KIR3DL2: variants seen among roughly 807,000 people sequenced by gnomAD.
KIR3DL2 encodes the protein killer cell immunoglobulin like receptor, three Ig domains and long cytoplasmic tail 2, also known as killer cell immunoglobulin-like receptor 3DL2.
Under a neutral mutation model 41.6 loss-of-function variants are expected in KIR3DL2, and 42 were observed. The ratio of observed to expected loss-of-function variants is 1.01; its 90% confidence interval spans 0.79 to 1.31. The LOEUF is 1.31. Among genes scored for constraint, KIR3DL2 ranks in the 50% most tolerant of loss-of-function variants. The probability of loss-of-function intolerance (pLI) is 0.00; values close to 1 mark genes in which losing one functional copy is unlikely to be tolerated. For missense variants in KIR3DL2, 728 were observed against 576.8 expected (o/e 1.26, Z -2.68); for synonymous variants, 230 against 221.3 (o/e 1.04, Z -0.35).
At chr19:54,865,138 C>A (rs1366604219) in intron 6 of KIR3DL2, among the ~76,000 whole-genome samples, 3 of 152,006 alleles carry the variant, frequency 2.0e-5, no homozygotes, top group Non-Finnish European at 2.9e-5. Context: ...GTCTTTGGTT[C>A]TGTTTATATG....
At chr19:54,861,078 G>A (rs2065141390) in intron 6 of KIR3DL2, among the ~76,000 whole-genome samples, 1 of 147,862 alleles carries the variant, frequency 6.8e-6, no homozygotes, top group Non-Finnish European at 1.5e-5. Flanking sequence ...TTGCATAACT[G>A]GAATCTAGGA....
intron 4 of KIR3DL2, among the ~76,000 whole-genome samples, chr19:54,854,477 C>A (rs1418443223): frequency 3.3e-5 from 5 of 151,794 alleles, no homozygotes; most frequent in Admixed American, 2.6e-4. Flanking sequence ...CTTGTGGCAT[C>A]TACAGATGCC....
At chr19:54,858,392 G>C (rs1228089702) in intron 5 of KIR3DL2, among the ~76,000 whole-genome samples, 1 of 149,092 alleles carries the variant, frequency 6.7e-6, no homozygotes, top group African/African-American at 2.5e-5. Context: ...ATTTATTGAA[G>C]ACTGTCCTTT....
rs146500655 is a variant in KIR3DL2 at position 54,852,230 on chromosome 19, C to T, written c.303C>T (p.His101=). Residue 101 remains histidine (H), a synonymous_variant, in exon 3 of 9, where the codon CAC becomes CAT. Transcript: ENST00000326321. The stretch of plus-strand genomic sequence containing the variant: ...ACAGATGTCGGGGTTCACGCCCACA[C>T]TCCCTCACTGGGTGGTCGGCACCCA... ...GTYRCRGSRP[H]SLTGWSAPSN... is the part of the protein sequence containing the mutation. The T allele has an allele frequency of 1.5e-3, 2,430 of 1,611,408 alleles. 94 individuals carry two copies. In the African/African-American group the frequency reaches 0.028, roughly 19 times the overall value.
intron 6 of KIR3DL2, among the ~76,000 whole-genome samples, chr19:54,864,637 C>G (rs1441307415): frequency 6.6e-6 from 1 of 152,112 alleles, no homozygotes; most frequent in African/African-American, 2.4e-5. Context: ...TGGGAGTTCA[C>G]TCATGATTTG....
rs1278849396 is a variant in KIR3DL2, at chr19:54,853,547, C to T, written c.356-200C>T. ...ACAGTGGGAAGGGAGTCAGGGGCTACTGGAGACAGAGGGACAGAGAAGAGG... is the reference window on the plus strand; with the variant it reads ...ACAGTGGGAAGGGAGTCAGGGGCTATTGGAGACAGAGGGACAGAGAAGAGG... On this transcript the variant is annotated intron_variant, in intron 3 of 8. Transcript: ENST00000326321. 4.0e-5 allele frequency among the ~76,000 whole-genome samples: 6 copies of T among 151,652 alleles called. No homozygotes were observed. The East Asian group carries it at 1.2e-3, about 29-fold the overall frequency.
rs754311878 is a variant in KIR3DL2 at position 54,866,692 on chromosome 19, C to T, written c.1329C>T (p.Cys443=). The part of the protein sequence containing the change: ...NAEPRSKVVS[C]PRAPQSGLEG... ...AGCCCAGATCCAAAGTTGTCTCCTG[C>T]CCACGAGCACCACAGTCAGGTCTTG... Residue 443 remains cysteine (C), a synonymous_variant, in exon 9 of 9, where the codon TGC becomes TGT. Transcript: ENST00000326321. The T allele has an allele frequency of 1.4e-5, 23 of 1,613,798 alleles. 1 individual carries two copies. In the Admixed American group the frequency reaches 2.7e-4, roughly 19 times the overall value.
At chr19:54,852,773 C>T (rs1362447211) in intron 3 of KIR3DL2, among the ~76,000 whole-genome samples, 1 of 150,456 alleles carries the variant, frequency 6.6e-6, no homozygotes, top group Non-Finnish European at 1.5e-5. Flanking sequence ...GCTGAGTCTC[C>T]AGAGGGAACG....
At position 54,858,035 on chromosome 19, in the gene KIR3DL2, A is replaced by G. The variant is rs923788451; in HGVS notation, c.950-1044A>G. The stretch of plus-strand genomic sequence containing the variant: ...TTATTGAGTTGTTTGAGCTTCTTAT[A>G]TTTCCAGTTATTAATCCCATCTCAG... On this transcript the variant is annotated intron_variant, in intron 5 of 8. Transcript: ENST00000326321. 1.6e-3 allele frequency among the ~76,000 whole-genome samples: 239 copies of G among 151,684 alleles called. 6 individuals are homozygous for G. The highest frequency in any genetic ancestry group is 5.4e-3 in the African/African-American group (224 of 41,116).
At chr19:54,862,193 T>G (rs920930236) in intron 6 of KIR3DL2, among the ~76,000 whole-genome samples, 10 of 151,860 alleles carry the variant, frequency 6.6e-5, no homozygotes, top group Non-Finnish European at 1.2e-4. Flanking sequence ...ACGTTTCACA[T>G]GGGCTTCATC....
intron 6 of KIR3DL2, among the ~76,000 whole-genome samples, chr19:54,865,484 T>C (rs749037397): frequency 2.6e-5 from 4 of 152,108 alleles, no homozygotes; most frequent in Non-Finnish European, 5.9e-5. Flanking sequence ...GCAGCATTAA[T>C]CTATTCATGA....
In KIR3DL2 at chr19:54,862,144, G is replaced by A. The variant is rs553562864; in HGVS notation, c.1000+3015G>A. ...TTCCCCCAGCCTCTCAGGTGGAACAGCAGCCTAACATGTGTCTCGCGAGAT... is the reference window on the plus strand; with the variant it reads ...TTCCCCCAGCCTCTCAGGTGGAACAACAGCCTAACATGTGTCTCGCGAGAT... On this transcript the variant is annotated intron_variant, in intron 6 of 8. Coordinates refer to ENST00000326321, the MANE Select transcript of KIR3DL2 (RefSeq NM_006737.4). 3.9e-5 allele frequency among the ~76,000 whole-genome samples: 6 copies of A among 152,250 alleles called. No individual in the cohort carries two copies. The South Asian group carries it at 1.2e-3, about 32-fold the overall frequency.
chr19:54,851,976 G>T, intron 2 of KIR3DL2, 22 bp from the exon 3 acceptor site: 1 of 1,605,358 alleles, frequency 6.2e-7, no homozygotes, highest in South Asian at 1.1e-5. Context: ...CCTCTCTAAG[G>T]CAGTGCCTCC....
intron 5 of KIR3DL2, 47 bp from the exon 6 acceptor site, chr19:54,859,032 G>A (rs1601792072): frequency 3.8e-6 from 6 of 1,591,254 alleles, no homozygotes; most frequent in South Asian, 1.1e-5. Flanking sequence ...ATTGAGTAGA[G>A]GACAAGCACC....
At chr19:54,857,974 C>T (rs979160676) in intron 5 of KIR3DL2, among the ~76,000 whole-genome samples, 11 of 151,414 alleles carry the variant, frequency 7.3e-5, no homozygotes, top group Non-Finnish European at 1.5e-4. Flanking sequence ...AGAAATGTCT[C>T]CTCATGTCTT....
chr19:54,865,492 T>G (rs2065441173), intron 6 of KIR3DL2, among the ~76,000 whole-genome samples: 1 of 152,120 alleles, frequency 6.6e-6, no homozygotes, highest in African/African-American at 2.4e-5. Flanking sequence ...AATCTATTCA[T>G]GATGGATCCA....
intron 1 of KIR3DL2, among the ~76,000 whole-genome samples, chr19:54,850,965 C>T (rs146205987): frequency 0.027 from 2,440 of 91,002 alleles, 1 homozygote; most frequent in Non-Finnish European, 0.036. Flanking sequence ...GAGATATGGG[C>T]CTGGAGTGGA....
At chr19:54,860,521 C>A (rs1252513232) in intron 6 of KIR3DL2, among the ~76,000 whole-genome samples, 2 of 151,968 alleles carry the variant, frequency 1.3e-5, no homozygotes, top group East Asian at 3.9e-4. Flanking sequence ...AGACCACAAC[C>A]ACCACGCCCG....
At position 54,851,871 on chromosome 19, in the gene KIR3DL2, C is replaced by A. The variant is rs1474410618; in HGVS notation, c.71-127C>A. On this transcript the variant is annotated intron_variant, in intron 2 of 8. Transcript: ENST00000326321. ...CATGTCTATGTGGGGTGGGTCCTTC[C>A]TGTAGCCCTGGGCACCCAGGTGTGG... The A allele has an allele frequency of 3.9e-5, 46 of 1,174,860 alleles. 1 individual carries two copies. The South Asian group carries it at 5.5e-4, about 14-fold the overall frequency. 72.8% of individuals were successfully genotyped at this position (1,174,860 alleles called of 1,614,324 possible). A position where few individuals can be genotyped will look rare whatever the true frequency, so the allele number is the denominator to read the frequency against.
Sources: gnomAD v4.1 joint callset for allele counts (sites outside exome capture counted in the v4.1 genomes callset) on GRCh38, gnomAD v4.1.1 for gene constraint, MANE v1.5 for transcripts, NCBI Gene and HGNC (gene_info 2026-07-23, HGNC 2026-07-21) for gene names.